The following RTL4 variants were observed in gnomAD, a reference collection of about 807,000 sequenced individuals.
RTL4 encodes the protein retrotransposon Gag-like protein 4.
RTL4 carries 4 observed loss-of-function variants against 5.3 expected under a neutral mutation model. The ratio of observed to expected loss-of-function variants is 0.75; its 90% confidence interval spans 0.37 to 1.72. The LOEUF is 1.72. RTL4 is among the 40% of genes most tolerant of loss of function. The pLI is 0.04. For missense variants in RTL4, 260 were observed against 227.1 expected (o/e 1.14, Z -0.93); for synonymous variants, 98 against 87.3 (o/e 1.12, Z -0.68).
At chrX:112,304,639 C>CTTTT in the RTL4 span, among the ~76,000 whole-genome samples, 4 of 48,357 alleles carry the variant, frequency 8.3e-5, no homozygotes, top group Non-Finnish European at 1.5e-4. Flanking sequence ...TTTCCCACAT[C>CTTTT]TTTTTTTTTT....
At chrX:112,215,812 A>T in the RTL4 span, among the ~76,000 whole-genome samples, 1 of 111,834 alleles carries the variant, frequency 8.9e-6, no homozygotes, top group Admixed American at 9.6e-5. Flanking sequence ...ATATCTCCAG[A>T]AGTGATATTG....
At chrX:112,222,573 G>GA in the RTL4 span, among the ~76,000 whole-genome samples, 168 of 102,575 alleles carry the variant, frequency 1.6e-3, no homozygotes, top group African/African-American at 4.0e-3. Context: ...ACTAAAAATT[G>GA]AAAAAAAAAA....
chrX:112,092,025 A>G, the RTL4 span, among the ~76,000 whole-genome samples: 1 of 111,540 alleles, frequency 9.0e-6, no homozygotes, highest in Non-Finnish European at 1.9e-5. Flanking sequence ...TTTGTAAGAT[A>G]TTATTATAGG....
At chrX:112,098,065 C>T in the RTL4 span, among the ~76,000 whole-genome samples, 6 of 109,785 alleles carry the variant, frequency 5.5e-5, no homozygotes, top group East Asian at 2.9e-4. Context: ...CACATTAACT[C>T]GCCATTTAAC....
the RTL4 span, among the ~76,000 whole-genome samples, chrX:112,101,678 C>T: frequency 9.0e-6 from 1 of 110,725 alleles, no homozygotes; most frequent in Non-Finnish European, 1.9e-5. Flanking sequence ...ATAGTGTCCC[C>T]CTCAAATTTA....
At chrX:112,139,006 T>A in the RTL4 span, among the ~76,000 whole-genome samples, 1 of 111,774 alleles carries the variant, frequency 8.9e-6, no homozygotes, top group Non-Finnish European at 1.9e-5. Flanking sequence ...GTCCTTCCAA[T>A]CTGTGACGGC....
chrX:112,310,792 T>G, the RTL4 span, among the ~76,000 whole-genome samples: 1 of 84,002 alleles, frequency 1.2e-5, no homozygotes, highest in African/African-American at 4.5e-5. Context: ...ATTAATATTA[T>G]ATATAATTCT....
chrX:112,452,483 T>C (rs1926757319), upstream of RTL4, among the ~76,000 whole-genome samples: 1 of 109,323 alleles, frequency 9.1e-6, no homozygotes, highest in Admixed American at 9.8e-5. Context: ...AATGAACTCA[T>C]TGATGGACAT....
At chrX:112,190,197 T>TTTCTTTC in the RTL4 span, among the ~76,000 whole-genome samples, 1 of 104,232 alleles carries the variant, frequency 9.6e-6, no homozygotes, top group East Asian at 2.9e-4. Flanking sequence ...TCTTTCTTTC[T>TTTCTTTC]TTCTTTCTTT....
chrX:112,380,233 G>A, the RTL4 span, among the ~76,000 whole-genome samples: 4 of 108,248 alleles, frequency 3.7e-5, no homozygotes, highest in East Asian at 1.2e-3. Flanking sequence ...TGCAAGCTCC[G>A]CCTCCCGGGT....
chrX:112,333,081 A>G, the RTL4 span, among the ~76,000 whole-genome samples: 4 of 107,004 alleles, frequency 3.7e-5, no homozygotes, highest in African/African-American at 1.0e-4. Context: ...TACTCCTTCA[A>G]TGGTGTGTGT....
At chrX:112,411,232 G>T in the RTL4 span, among the ~76,000 whole-genome samples, 3 of 111,392 alleles carry the variant, frequency 2.7e-5, no homozygotes, top group South Asian at 3.8e-4. Context: ...CTAGCAAACA[G>T]AAGCCAGGGA....
chrX:112,354,788 A>G, the RTL4 span, among the ~76,000 whole-genome samples: 6 of 111,067 alleles, frequency 5.4e-5, no homozygotes, highest in Non-Finnish European at 1.1e-4. Flanking sequence ...ACTTCAAAAC[A>G]TTAAGAGGGC....
At chrX:112,117,179 A>G in the RTL4 span, among the ~76,000 whole-genome samples, 1 of 109,997 alleles carries the variant, frequency 9.1e-6, no homozygotes, top group Non-Finnish European at 1.9e-5. Flanking sequence ...GTTATATGGT[A>G]AATACACTAT....
chrX:112,192,083 T>TC, the RTL4 span, among the ~76,000 whole-genome samples: 1 of 108,302 alleles, frequency 9.2e-6, no homozygotes. Context: ...GGGTTTTTTT[T>TC]TTTTTTTTTG....
At chrX:112,233,416 A>G in the RTL4 span, among the ~76,000 whole-genome samples, 1 of 109,935 alleles carries the variant, frequency 9.1e-6, no homozygotes, top group Non-Finnish European at 1.9e-5. Context: ...ATGGACTTTG[A>G]AGCTGAGTCC....
the RTL4 span, among the ~76,000 whole-genome samples, chrX:112,176,077 C>T: frequency 9.0e-6 from 1 of 110,897 alleles, no homozygotes; most frequent in Non-Finnish European, 1.9e-5. Context: ...CATTCTTATA[C>T]ACCAATAACA....
chrX:112,220,565 A>C, the RTL4 span, among the ~76,000 whole-genome samples: 2 of 113,060 alleles, frequency 1.8e-5, no homozygotes, highest in African/African-American at 6.4e-5. Flanking sequence ...TTTCTGCAGC[A>C]GGCTTGAATT....
chrX:112,250,400 A>G, the RTL4 span, among the ~76,000 whole-genome samples: 1 of 111,633 alleles, frequency 9.0e-6, no homozygotes, highest in Non-Finnish European at 1.9e-5. Flanking sequence ...TGCTTGCTCA[A>G]TTGTCTGTCG....
Sources: gnomAD v4.1 joint callset for allele counts (sites outside exome capture counted in the v4.1 genomes callset) on GRCh38, gnomAD v4.1.1 for gene constraint, MANE v1.5 for transcripts, NCBI Gene and HGNC (gene_info 2026-07-23, HGNC 2026-07-21) for gene names.